The following ZFAND5 variants were observed in gnomAD, a reference collection of about 807,000 sequenced individuals.
ZFAND5 encodes the protein AN1-type zinc finger protein 5.
A neutral mutation model predicts 23.6 loss-of-function variants in ZFAND5; 4 were observed. The observed-to-expected ratio is 0.17, with a 90% CI of 0.08 to 0.39. The LOEUF is 0.39. ZFAND5 is among the 10% of genes least tolerant of loss of function. The pLI, the probability that ZFAND5 is intolerant of heterozygous loss-of-function variation, is 1.00. For synonymous variants in ZFAND5, 68 were observed against 80.6 expected (o/e 0.84, Z 0.84); for missense variants, 161 against 253.7 (o/e 0.63, Z 2.48).
intron 5 of ZFAND5, 91 bp downstream of exon 5, chr9:72,359,327 G>A: frequency 8.1e-7 from 1 of 1,241,164 alleles, no homozygotes; most frequent in Non-Finnish European, 1.1e-6. Flanking sequence ...CCTCCTCTTT[G>A]GTCCTTCAAT....
chr9:72,364,461 C>A (rs1040201842), intron 1 of ZFAND5: 1 of 1,276,022 alleles, frequency 7.8e-7, no homozygotes, highest in Admixed American at 2.4e-5. Context: ...TGTTTCCCGA[C>A]CGTGCTGTGG....
intron 5 of ZFAND5, 104 bp from the exon 6 acceptor site, chr9:72,357,160 G>T: frequency 7.4e-7 from 1 of 1,348,898 alleles, no homozygotes; most frequent in Non-Finnish European, 1.0e-6. Flanking sequence ...TGATAAAAAT[G>T]TTTATAAGTA....
In ZFAND5 at chr9:72,354,285, AC is replaced by A. The variant is rs1268094188; in HGVS notation, c.*1667del. The stretch of plus-strand genomic sequence containing the variant: ...TGCCTATTGAATTCTTCAAAAATAA[AC>A]TGCCTATCAGGTATCATACCTGCAA... On this transcript the variant is annotated 3_prime_UTR_variant, in exon 7 of 7. Coordinates refer to ENST00000376962, the MANE Select transcript of ZFAND5 (RefSeq NM_001102420.3). 11 of 152,254 alleles carry A rather than the reference AC, an allele frequency of 7.2e-5. No homozygotes were observed. Among genetic ancestry groups the A allele is most frequent in the African/African-American group, 2.7e-4 (11 of 41,434 alleles). 9.4% of individuals were successfully genotyped at this position (152,254 alleles called of 1,614,324 possible). A position where few individuals can be genotyped will look rare whatever the true frequency, so the allele number is the denominator to read the frequency against.
rs933350837 is a variant in ZFAND5, at chr9:72,354,782, A to G, written c.*1171T>C. ...TTTCATACATCACAAAAAACCTTCCATTATAACACAGAAGTGATTATTACC... is the reference window on the plus strand; with the variant it reads ...TTTCATACATCACAAAAAACCTTCCGTTATAACACAGAAGTGATTATTACC... On this transcript the variant is annotated 3_prime_UTR_variant, in exon 7 of 7. Coordinates refer to ENST00000376962, the MANE Select transcript of ZFAND5 (RefSeq NM_001102420.3). 36 of 152,644 alleles carry G rather than the reference A, an allele frequency of 2.4e-4. No individual in the cohort carries two copies. The highest frequency in any genetic ancestry group is 8.0e-4 in the African/African-American group (33 of 41,464). The allele number at this position is 152,644 out of a possible 1,614,324, so 9.5% of individuals were successfully genotyped here. A position where few individuals can be genotyped will look rare whatever the true frequency, so the allele number is the denominator to read the frequency against.
In ZFAND5 at chr9:72,355,391, A is replaced by G. The variant is rs1841915888; in HGVS notation, c.*562T>C. On this transcript the variant is annotated 3_prime_UTR_variant, in exon 7 of 7. Transcript: ENST00000376962. ...TCTTATTTGACAGCTTTAGATGACC[A>G]ATTTAACCAGGCTTATATATGGCGC... The G allele has an allele frequency of 6.5e-6, 1 of 152,678 alleles. No individual in the cohort carries two copies. The highest frequency in any genetic ancestry group is 1.5e-5 in the Non-Finnish European group (1 of 68,054). The allele number at this position is 152,678 out of a possible 1,614,324, so 9.5% of individuals were successfully genotyped here.
Position 72,365,165 on chromosome 9 carries a change from CCCG to C in ZFAND5, c.-619_-617del, listed in dbSNP as rs1842230545. 6.6e-6 allele frequency: 1 copy of C among 152,258 alleles called. No homozygotes were observed. Among genetic ancestry groups the C allele is most frequent in the African/African-American group, 2.4e-5 (1 of 41,464 alleles). 9.4% of individuals were successfully genotyped at this position (152,258 alleles called of 1,614,324 possible). A position where few individuals can be genotyped will look rare whatever the true frequency, so the allele number is the denominator to read the frequency against. ...TGCGCGGCTCCCGGGAGCGAGCGAG[CCCG>C]CGTAGGAGATGCACACAGCTCCGCG... is the stretch of plus-strand genomic sequence containing the variant. On this transcript the variant is annotated 5_prime_UTR_variant, in exon 1 of 7. Transcript: ENST00000376962.
At chr9:72,360,909 T>C (rs542627559) in intron 2 of ZFAND5, 122 bp from the exon 3 acceptor site, 72 of 851,352 alleles carry the variant, frequency 8.5e-5, no homozygotes, top group Non-Finnish European at 1.2e-4. Flanking sequence ...CCGTTAATCA[T>C]TAAAAAGGGT....
In ZFAND5 at chr9:72,364,869, G is replaced by C. The variant is rs1351614584; in HGVS notation, c.-320C>G. On this transcript the variant is annotated 5_prime_UTR_variant, in exon 1 of 7. Transcript: ENST00000376962. ...CGCCGCCGCCGCGGGGTCTTCCTTTGTTCCTGCAGCAGCGTCGAGCGTGGC... is the reference window on the plus strand; with the variant it reads ...CGCCGCCGCCGCGGGGTCTTCCTTTCTTCCTGCAGCAGCGTCGAGCGTGGC... 3 of 155,528 alleles carry C rather than the reference G, an allele frequency of 1.9e-5. No homozygotes were observed. The highest frequency in any genetic ancestry group is 2.8e-5 in the Non-Finnish European group (2 of 70,790). The allele number at this position is 155,528 out of a possible 1,614,324, so 9.6% of individuals were successfully genotyped here. A position where few individuals can be genotyped will look rare whatever the true frequency, so the allele number is the denominator to read the frequency against.
At chr9:72,364,195 C>G in intron 1 of ZFAND5, 1 of 245,974 alleles carries the variant, frequency 4.1e-6, no homozygotes, top group South Asian at 3.8e-5. Flanking sequence ...TCTCCGAAAA[C>G]CACTGAGTCA....
In ZFAND5 at chr9:72,354,796, G is replaced by A. The variant is rs1287499078; in HGVS notation, c.*1157C>T. 1 of 152,554 alleles carries A rather than the reference G, an allele frequency of 6.6e-6. No individual in the cohort carries two copies. Among genetic ancestry groups the A allele is most frequent in the Non-Finnish European group, 1.5e-5 (1 of 68,032 alleles). The allele number at this position is 152,554 out of a possible 1,614,324, so 9.5% of individuals were successfully genotyped here. A position where few individuals can be genotyped will look rare whatever the true frequency, so the allele number is the denominator to read the frequency against. On this transcript the variant is annotated 3_prime_UTR_variant, in exon 7 of 7. Coordinates refer to ENST00000376962, the MANE Select transcript of ZFAND5 (RefSeq NM_001102420.3). The stretch of plus-strand genomic sequence containing the variant: ...AAAAACCTTCCATTATAACACAGAA[G>A]TGATTATTACCAGACAAGCATCAGT...
At position 72,357,065 on chromosome 9, in the gene ZFAND5, G is replaced by A; in HGVS notation, c.368-9C>T. The A allele has an allele frequency of 1.2e-6, 2 of 1,605,776 alleles. No individual in the cohort carries two copies. The highest frequency in any genetic ancestry group is 1.7e-5 in the Admixed American group (1 of 58,544). ...ACTGGGCTGAGTGACAACTGAAAAG[G>A]ACAAAAACACAAATTTGTCAAGCAT... is the stretch of plus-strand genomic sequence containing the variant. On this transcript the variant is annotated splice_polypyrimidine_tract_variant and intron_variant, in intron 5 of 6. Transcript: ENST00000376962.
intron 3 of ZFAND5, 135 bp from the exon 4 acceptor site, chr9:72,360,356 A>T (rs1317026553): frequency 3.4e-6 from 3 of 873,482 alleles, no homozygotes; most frequent in African/African-American, 3.4e-5. Flanking sequence ...CCTATACTTG[A>T]GTATCCAAAC....
intron 3 of ZFAND5, 149 bp from the exon 4 acceptor site, chr9:72,360,370 AAAT>A: frequency 5.9e-6 from 5 of 849,164 alleles, no homozygotes; most frequent in Non-Finnish European, 9.1e-6. Flanking sequence ...TCCAAACAAA[AAAT>A]ATTAAAAAGT....
chr9:72,355,927 G>C lies in ZFAND5; in HGVS notation c.*26C>G, dbSNP rs1055226182. 29 of 1,576,082 alleles carry C rather than the reference G, an allele frequency of 1.8e-5. 1 individual carries two copies. Among genetic ancestry groups the C allele is most frequent in the Middle Eastern group, 3.4e-4 (2 of 5,888 alleles). On this transcript the variant is annotated 3_prime_UTR_variant, in exon 7 of 7. Transcript: ENST00000376962. ...TACGATATATTAAAATAAAAACAAA[G>C]TTTCAGTCTCTTCACAAGAAGTAAT... is the stretch of plus-strand genomic sequence containing the variant.
chr9:72,362,137 T>C (rs1371231334), intron 2 of ZFAND5, among the ~76,000 whole-genome samples: 1 of 152,192 alleles, frequency 6.6e-6, no homozygotes, highest in Non-Finnish European at 1.5e-5. Context: ...GTGACCAAGA[T>C]CCACAACTTA....
intron 6 of ZFAND5, among the ~76,000 whole-genome samples, 197 bp from the exon 7 acceptor site, chr9:72,356,298 T>C (rs1249277876): frequency 6.6e-6 from 1 of 152,240 alleles, no homozygotes. Context: ...GAAAAGGAAC[T>C]TTTAACTTCC....
chr9:72,351,587 GTACTTTTTTTTTTTTTTT>G lies in ZFAND5; in HGVS notation c.*4348_*4365del, dbSNP rs1841771529. The stretch of plus-strand genomic sequence containing the variant: ...TTAAATGGCACTTTTGTATTCTGTT[GTACTTTTTTTTTTTTTTT>G]TACATTTGCTACACGGTATTTATTC... On this transcript the variant is annotated 3_prime_UTR_variant, in exon 7 of 7. Coordinates refer to ENST00000376962, the MANE Select transcript of ZFAND5 (RefSeq NM_001102420.3). 1 of 99,988 alleles carries G rather than the reference GTACTTTTTTTTTTTTTTT, an allele frequency of 1.0e-5. No individual in the cohort carries two copies. The allele number at this position is 99,988 out of a possible 1,614,324, so 6.2% of individuals were successfully genotyped here.
chr9:72,360,144 C>T lies in ZFAND5; in HGVS notation c.229G>A (p.Glu77Lys). 3 of 1,612,448 alleles carry T rather than the reference C, an allele frequency of 1.9e-6. No homozygotes were observed. Among genetic ancestry groups the T allele is most frequent in the Non-Finnish European group, 2.5e-6 (3 of 1,179,282 alleles). Reference sequence around the variant, plus strand: ...TCAGATGTGCTGCCAGCAGCACCTTCACAGTTGTTTAAGCTAGTGTCTGCT... The same window carrying T: ...TCAGATGTGCTGCCAGCAGCACCTTTACAGTTGTTTAAGCTAGTGTCTGCT... ...QRADTSLNNC[E>K]GAAGSTSEKS... Residue 77 changes from glutamate (E) to lysine (K), a missense_variant, in exon 4 of 7, where the codon GAA becomes AAA. Physicochemically the swap from Glu to Lys is moderately conservative, Grantham distance 56. This residue lies in a region of ZFAND5 where 116 missense variants were observed against 115.2 expected (regional missense o/e 1.01). Coordinates refer to ENST00000376962, the MANE Select transcript of ZFAND5 (RefSeq NM_001102420.3).
chr9:72,360,644 G>T lies in ZFAND5; in HGVS notation c.135C>A (p.Gly45=). The T allele has an allele frequency of 6.2e-7, 1 of 1,613,834 alleles. No homozygotes were observed. The highest frequency in any genetic ancestry group is 8.5e-7 in the Non-Finnish European group (1 of 1,179,868). Residue 45 remains glycine (G), a synonymous_variant, in exon 3 of 7, where the codon GGC becomes GGA. Transcript: ENST00000376962. Reference sequence around the variant, plus strand: ...ATAACTTACCCATTGGGCTCATTCTGCCACTATTTTGCTGCCTCTGAAGAT... The same window carrying T: ...ATAACTTACCCATTGGGCTCATTCTTCCACTATTTTGCTGCCTCTGAAGAT... ...KEHLQRQQNS[G]RMSPMGTASG...
Sources: allele counts gnomAD v4.1 joint callset (sites outside exome capture counted in the v4.1 genomes callset), GRCh38; gene constraint gnomAD v4.1.1; regional missense constraint gnomAD v4.1.1; transcripts MANE v1.5; gene names NCBI Gene and HGNC (gene_info 2026-07-23, HGNC 2026-07-21).